TMEM181: variants seen among roughly 807,000 people sequenced by gnomAD.
TMEM181 encodes the protein transmembrane protein 181.
TMEM181 carries 39 observed loss-of-function variants against 71.9 expected under a neutral mutation model. The observed-to-expected ratio is 0.54, with a 90% CI of 0.42 to 0.71. The LOEUF (loss-of-function observed/expected upper bound fraction) is 0.71. TMEM181 is among the 30% of genes least tolerant of loss of function. The pLI is 0.00. For synonymous variants in TMEM181, 245 were observed against 228.8 expected (o/e 1.07, Z -0.64); for missense variants, 595 against 583.0 (o/e 1.02, Z -0.21).
intron 12 of TMEM181, 149 bp downstream of exon 12, chr6:158,625,355 C>A: frequency 1.4e-6 from 1 of 696,466 alleles, no homozygotes; most frequent in Non-Finnish European, 2.5e-6. Context: ...GGCACGTGGT[C>A]CCTGGGAGCC....
intron 3 of TMEM181, 41 bp from the exon 4 acceptor site, chr6:158,583,913 A>G (rs538299509): frequency 7.3e-5 from 110 of 1,500,130 alleles, no homozygotes; most frequent in Non-Finnish European, 9.8e-5. Context: ...GGTAGACTCA[A>G]TGAAAAGGTC....
intron 10 of TMEM181, among the ~76,000 whole-genome samples, chr6:158,623,278 A>C (rs1786076584): frequency 6.6e-6 from 1 of 152,240 alleles, no homozygotes; most frequent in Non-Finnish European, 1.5e-5. Context: ...CTGCAAGAGA[A>C]ATAGTATATA....
intron 10 of TMEM181, among the ~76,000 whole-genome samples, chr6:158,616,329 G>T (rs1212335944): frequency 6.6e-6 from 1 of 152,164 alleles, no homozygotes; most frequent in East Asian, 1.9e-4. Flanking sequence ...TTTGCACATT[G>T]ATTTTGTATC....
intron 6 of TMEM181, among the ~76,000 whole-genome samples, 198 bp downstream of exon 6, chr6:158,589,980 T>G (rs549946439): frequency 3.9e-5 from 6 of 152,318 alleles, no homozygotes; most frequent in Admixed American, 2.6e-4. Flanking sequence ...TCATAGAGAT[T>G]GGGCAAACCT....
chr6:158,625,049 G>A (rs1786193864), intron 11 of TMEM181, 55 bp from the exon 12 acceptor site: 3 of 1,363,944 alleles, frequency 2.2e-6, no homozygotes, highest in South Asian at 1.2e-5. Flanking sequence ...GGTGCTGGGA[G>A]GAGAAGGTCA....
At chr6:158,585,530 A>G in intron 5 of TMEM181, 105 bp downstream of exon 5, 1 of 1,296,188 alleles carries the variant, frequency 7.7e-7, no homozygotes, top group African/African-American at 1.5e-5. Context: ...AGGCTTCGAG[A>G]AATTGTTCTT....
At chr6:158,575,849 A>C (rs919906151) in intron 2 of TMEM181, among the ~76,000 whole-genome samples, 6 of 152,212 alleles carry the variant, frequency 3.9e-5, no homozygotes, top group African/African-American at 9.7e-5. Flanking sequence ...GTTGGCAGAC[A>C]ATCCTTCTGG....
chr6:158,626,406 A>C (rs934806662), intron 13 of TMEM181: 1 of 456,684 alleles, frequency 2.2e-6, no homozygotes, highest in Admixed American at 2.3e-5. Flanking sequence ...GGAGGAAAAA[A>C]TCTAGCTGCT....
chr6:158,565,511 C>CA (rs763483524), intron 1 of TMEM181, among the ~76,000 whole-genome samples: 7 of 152,188 alleles, frequency 4.6e-5, no homozygotes, highest in Non-Finnish European at 2.9e-5. Flanking sequence ...AAGCCAGAGC[C>CA]ACAGACAGCA....
At position 158,634,617 on chromosome 6, in the gene TMEM181, A is replaced by T. The variant is rs1389655974; in HGVS notation, c.*2729A>T. The T allele has an allele frequency of 6.6e-6, 1 of 152,218 alleles. No individual in the cohort carries two copies. Among genetic ancestry groups the T allele is most frequent in the East Asian group, 1.9e-4 (1 of 5,202 alleles). The allele number at this position is 152,218 out of a possible 1,614,324, so 9.4% of individuals were successfully genotyped here. A position where few individuals can be genotyped will look rare whatever the true frequency, so the allele number is the denominator to read the frequency against. ...TTATTATTAAATCATTATAGCAGTGAAGTGGTGCCATTTTCTCTCTCTTAA... is the reference window on the plus strand; with the variant it reads ...TTATTATTAAATCATTATAGCAGTGTAGTGGTGCCATTTTCTCTCTCTTAA... On this transcript the variant is annotated 3_prime_UTR_variant, in exon 17 of 17. Coordinates refer to ENST00000684151, the MANE Select transcript of TMEM181 (RefSeq NM_001376852.1).
At chr6:158,631,412 G>C (rs1786658078) in intron 16 of TMEM181, 23 bp downstream of exon 16, 1 of 1,613,412 alleles carries the variant, frequency 6.2e-7, no homozygotes. Flanking sequence ...CCGTTAGAAG[G>C]CCGGCACACC....
chr6:158,611,980 C>G (rs1785349075), intron 10 of TMEM181, among the ~76,000 whole-genome samples: 1 of 141,444 alleles, frequency 7.1e-6, no homozygotes, highest in Non-Finnish European at 1.5e-5. Context: ...AGGGATACCC[C>G]CCCCACCTCC....
intron 13 of TMEM181, chr6:158,626,814 A>AT: frequency 8.9e-6 from 4 of 449,798 alleles, no homozygotes; most frequent in Non-Finnish European, 1.3e-5. Flanking sequence ...CAACTGACCC[A>AT]CCCTCACACA....
At chr6:158,590,113 C>G (rs1404902491) in intron 6 of TMEM181, among the ~76,000 whole-genome samples, 1 of 152,190 alleles carries the variant, frequency 6.6e-6, no homozygotes, top group Non-Finnish European at 1.5e-5. Flanking sequence ...TCTGCCCGAA[C>G]TGCCGGTGAG....
chr6:158,611,800 G>A, intron 10 of TMEM181: 1 of 195,264 alleles, frequency 5.1e-6, no homozygotes. Context: ...ACCTGAGAGG[G>A]CCTTCTGGCC....
intron 6 of TMEM181, among the ~76,000 whole-genome samples, chr6:158,598,186 T>C (rs1193188189): frequency 6.6e-6 from 1 of 152,248 alleles, no homozygotes; most frequent in Non-Finnish European, 1.5e-5. Flanking sequence ...ACTTTCCTGT[T>C]CTTTTCTCCT....
chr6:158,607,665 G>A (rs1379445596), intron 8 of TMEM181, among the ~76,000 whole-genome samples: 2 of 152,178 alleles, frequency 1.3e-5, no homozygotes, highest in Non-Finnish European at 2.9e-5. Context: ...GCAAGACCCT[G>A]TCTCTTAAAA....
chr6:158,604,444 T>TG (rs1784837082), intron 6 of TMEM181, among the ~76,000 whole-genome samples: 1 of 152,228 alleles, frequency 6.6e-6, no homozygotes, highest in Non-Finnish European at 1.5e-5. Flanking sequence ...ATCAGAATGA[T>TG]GGGGCTCTCT....
upstream of TMEM181, among the ~76,000 whole-genome samples, chr6:158,557,941 A>G (rs1027635234): frequency 7.2e-5 from 11 of 152,266 alleles, no homozygotes; most frequent in Non-Finnish European, 8.8e-5. Flanking sequence ...ACACTGCTCC[A>G]TTAATGTTTG....
Sources: gnomAD v4.1 joint callset for allele counts (sites outside exome capture counted in the v4.1 genomes callset) on GRCh38, gnomAD v4.1.1 for gene constraint, MANE v1.5 for transcripts, NCBI Gene and HGNC (gene_info 2026-07-23, HGNC 2026-07-21) for gene names.